Variants in ABI1 observed in about 807,000 individuals in gnomAD.
The protein encoded by ABI1 is Abelson interactor 1.
ABI1 carries 14 observed loss-of-function variants against 54.6 expected under a neutral mutation model. The observed-to-expected ratio is 0.26, with a 90% CI of 0.17 to 0.40. ABI1 has a LOEUF of 0.40. ABI1 is among the 10% of genes least tolerant of loss of function. The pLI, the probability that ABI1 is intolerant of heterozygous loss-of-function variation, is 1.00. For missense variants in ABI1, 443 were observed against 598.3 expected (o/e 0.74, Z 2.71); for synonymous variants, 194 against 209.3 (o/e 0.93, Z 0.63).
intron 2 of ABI1, among the ~76,000 whole-genome samples, chr10:26,788,816 G>T (rs952023359): frequency 1.3e-5 from 2 of 151,246 alleles, no homozygotes; most frequent in East Asian, 3.9e-4. Flanking sequence ...GGGAGGCTGA[G>T]GCAGGAGAAT....
intron 5 of ABI1, 118 bp from the exon 6 acceptor site, chr10:26,769,110 A>C: frequency 1.3e-6 from 1 of 761,998 alleles, no homozygotes; most frequent in East Asian, 3.1e-5. Context: ...AATATATATG[A>C]CAAAGTTTGT....
intron 9 of ABI1, among the ~76,000 whole-genome samples, chr10:26,752,609 A>AT (rs1026410169): frequency 2.0e-5 from 3 of 152,154 alleles, no homozygotes; most frequent in African/African-American, 7.2e-5. Flanking sequence ...TGTAATTAAA[A>AT]AAAACAAACA....
Position 26,777,231 on chromosome 10 carries a change from A to G in ABI1, c.296T>C (p.Ile99Thr), listed in dbSNP as rs769206316. The change falls in exon 3 of 11, where the codon ATT (isoleucine) becomes ACT (threonine). Residue 99 changes from isoleucine (I) to threonine (T), a missense_variant. Physicochemically the swap from Ile to Thr is moderately conservative, Grantham distance 89. Around this residue, in one of 2 missense-constraint regions of ABI1, gnomAD observed 394 missense variants for 484.8 expected, o/e 0.81. Transcript: ENST00000376140. ...TCTTCGTGCCACTTTCTCCTTATGAATATCCACAGTCTATATTTTAATTTG... is the reference window on the plus strand; with the variant it reads ...TCTTCGTGCCACTTTCTCCTTATGAGTATCCACAGTCTATATTTTAATTTG... ...SINHISQTVDIHKEKVARREI... is the reference protein window; with the variant it reads ...SINHISQTVDTHKEKVARREI... The G allele has an allele frequency of 6.2e-7, 1 of 1,605,462 alleles. No individual in the cohort carries two copies. Among genetic ancestry groups the G allele is most frequent in the East Asian group, 2.2e-5 (1 of 44,800 alleles).
intron 2 of ABI1, among the ~76,000 whole-genome samples, chr10:26,783,442 A>G (rs1341383512): frequency 1.3e-5 from 2 of 152,224 alleles, no homozygotes; most frequent in Non-Finnish European, 2.9e-5. Context: ...GATGGTGATC[A>G]TATATGTATT....
chr10:26,757,725 C>G (rs1033152828), intron 8 of ABI1, among the ~76,000 whole-genome samples: 1 of 152,056 alleles, frequency 6.6e-6, no homozygotes, highest in African/African-American at 2.4e-5. Context: ...AAGTGGTTTT[C>G]AATTCTTAGG....
chr10:26,824,198 G>A (rs2048164372), intron 1 of ABI1, among the ~76,000 whole-genome samples: 1 of 152,098 alleles, frequency 6.6e-6, no homozygotes, highest in Admixed American at 6.5e-5. Context: ...GGAAAGAAAT[G>A]CAAGTGCAAA....
chr10:26,752,177 T>A (rs1422071158), intron 9 of ABI1, among the ~76,000 whole-genome samples: 1 of 152,230 alleles, frequency 6.6e-6, no homozygotes, highest in Non-Finnish European at 1.5e-5. Context: ...GTTAATGGTT[T>A]GATCACTCTT....
intron 7 of ABI1, among the ~76,000 whole-genome samples, chr10:26,762,035 C>A (rs1235855893): frequency 1.3e-5 from 2 of 152,022 alleles, no homozygotes; most frequent in African/African-American, 4.8e-5. Flanking sequence ...AAGATGGGGT[C>A]TCACTCTGTC....
intron 2 of ABI1, among the ~76,000 whole-genome samples, chr10:26,778,043 C>T (rs1171841344): frequency 1.3e-5 from 2 of 151,596 alleles, no homozygotes; most frequent in Non-Finnish European, 2.9e-5. Flanking sequence ...CTACTCTGTA[C>T]AAAGGATAAA....
chr10:26,763,832 G>T (rs1839547569), intron 7 of ABI1: 6 of 1,515,404 alleles, frequency 4.0e-6, no homozygotes, highest in South Asian at 1.1e-5. Context: ...AGTTTATTAT[G>T]AATTATGTAA....
intron 2 of ABI1, among the ~76,000 whole-genome samples, chr10:26,810,089 G>A (rs1028696151): frequency 6.6e-6 from 1 of 152,098 alleles, no homozygotes; most frequent in Admixed American, 6.5e-5. Context: ...GGTAGAATGG[G>A]GACCCTACTT....
At position 26,746,714 on chromosome 10, in the gene ABI1, G is replaced by A; in HGVS notation, c.*1856C>T. On this transcript the variant is annotated 3_prime_UTR_variant, in exon 11 of 11. Transcript: ENST00000376140. ...CTATAAATTATAATCAAGGTATCTT[G>A]ATGGTTATATGTGGTATTGTTTACA... 1 of 505,180 alleles carries A rather than the reference G, an allele frequency of 2.0e-6. No individual in the cohort carries two copies. Among genetic ancestry groups the A allele is most frequent in the South Asian group, 2.1e-5 (1 of 48,494 alleles). The allele number at this position is 505,180 out of a possible 1,614,324, so 31.3% of individuals were successfully genotyped here. A position where few individuals can be genotyped will look rare whatever the true frequency, so the allele number is the denominator to read the frequency against.
intron 2 of ABI1, among the ~76,000 whole-genome samples, chr10:26,793,911 T>A (rs1843775020): frequency 6.6e-6 from 1 of 152,158 alleles, no homozygotes; most frequent in Admixed American, 6.5e-5. Context: ...GGCAACATAG[T>A]GAGACCCTGT....
intron 2 of ABI1, among the ~76,000 whole-genome samples, chr10:26,792,634 A>G (rs12260147): frequency 0.016 from 2,403 of 152,352 alleles, 54 homozygotes; most frequent in African/African-American, 0.054. Context: ...TTATAAAAAT[A>G]AGTAGATTGG....
Position 26,846,445 on chromosome 10 carries a change from T to C in ABI1, c.117+14302A>G, listed in dbSNP as rs545433228. 2.1e-3 allele frequency among the ~76,000 whole-genome samples: 315 copies of C among 151,542 alleles called. 1 individual carries two copies. Among genetic ancestry groups the C allele is most frequent in the Middle Eastern group, 6.8e-3 (2 of 292 alleles). On this transcript the variant is annotated intron_variant, in intron 1 of 10. Transcript: ENST00000376140. ...GCAACCTCCGCCTCCCAGGTTCAAG[T>C]GATTCTCCTGCCTCAGCCTCCTGAG... is the stretch of plus-strand genomic sequence containing the variant.
chr10:26,838,340 T>C (rs1357016577), intron 1 of ABI1, among the ~76,000 whole-genome samples: 1 of 152,090 alleles, frequency 6.6e-6, no homozygotes, highest in Non-Finnish European at 1.5e-5. Context: ...ATCTTTCACA[T>C]GCACCTGAGG....
intron 1 of ABI1, among the ~76,000 whole-genome samples, chr10:26,847,544 A>G (rs2050070982): frequency 6.6e-6 from 1 of 152,064 alleles, no homozygotes; most frequent in Admixed American, 6.6e-5. Flanking sequence ...GGATTGCTTG[A>G]GCCCAGGAGG....
In ABI1 at chr10:26,768,978, T is replaced by C. The variant is rs746489537; in HGVS notation, c.593A>G (p.Tyr198Cys). The change falls in exon 6 of 11, where the codon TAT becomes TGT. Residue 198 changes from tyrosine to cysteine, a missense_variant. Around this residue, in one of 2 missense-constraint regions of ABI1, gnomAD observed 394 missense variants for 484.8 expected, o/e 0.81. Transcript: ENST00000376140. ...GGGTTTAACAGGTTCCAGGGTTTTA[T>C]AAGGAGTATTCCGTCTAAAGGAGCA... ...GRGTLGRNTP[Y>C]KTLEPVKPPT... 6.2e-7 allele frequency: 1 copy of C among 1,611,238 alleles called. No homozygotes were observed. The highest frequency in any genetic ancestry group is 8.5e-7 in the Non-Finnish European group (1 of 1,178,532).
intron 1 of ABI1, among the ~76,000 whole-genome samples, chr10:26,842,045 A>C (rs2049557342): frequency 6.6e-6 from 1 of 152,102 alleles, no homozygotes; most frequent in South Asian, 2.1e-4. Flanking sequence ...CCACACTCCC[A>C]CCAACAGTGT....
Sources: allele counts gnomAD v4.1 joint callset (sites outside exome capture counted in the v4.1 genomes callset), GRCh38; gene constraint gnomAD v4.1.1; regional missense constraint gnomAD v4.1.1; transcripts MANE v1.5; gene names NCBI Gene and HGNC (gene_info 2026-07-23, HGNC 2026-07-21).